The following SH3KBP1 variants were observed in gnomAD, a reference collection of about 807,000 sequenced individuals.
The protein encoded by SH3KBP1 is SH3 domain containing kinase binding protein 1.
SH3KBP1 carries 8 observed loss-of-function variants against 50.1 expected under a neutral mutation model. The observed-to-expected ratio is 0.16, with a 90% CI of 0.09 to 0.29. The LOEUF (loss-of-function observed/expected upper bound fraction) is 0.29. Ranked by LOEUF, SH3KBP1 falls within the 10% of genes least tolerant of loss-of-function variation. The probability of loss-of-function intolerance (pLI) is 1.00; values close to 1 mark genes in which losing one functional copy is unlikely to be tolerated. For missense variants in SH3KBP1, 377 were observed against 535.2 expected, an observed-to-expected ratio of 0.70 and a Z score of 2.92; for synonymous variants, 227 against 218.6, an observed-to-expected ratio of 1.04 and a Z score of -0.34.
chrX:19,611,644 G>A (rs1220244102), intron 8 of SH3KBP1, among the ~76,000 whole-genome samples: 3 of 111,626 alleles, frequency 2.7e-5, no homozygotes, highest in Non-Finnish European at 5.7e-5. Flanking sequence ...GTGAGCCACC[G>A]AGCCCGGCCC....
intron 2 of SH3KBP1, among the ~76,000 whole-genome samples, chrX:19,797,305 G>C (rs957969063): frequency 1.8e-5 from 2 of 111,415 alleles, no homozygotes; most frequent in Admixed American, 9.5e-5. Flanking sequence ...GAAGAGAAAG[G>C]GCCAGCCAAG....
chrX:19,856,160 C>T (rs1271170156), intron 1 of SH3KBP1, among the ~76,000 whole-genome samples: 3 of 110,951 alleles, frequency 2.7e-5, no homozygotes, highest in Non-Finnish European at 5.7e-5. Context: ...TGCTGTTCCC[C>T]ACAGAAGTAG....
At chrX:19,546,917 T>C (rs1419260354) in intron 14 of SH3KBP1, among the ~76,000 whole-genome samples, 6 of 111,329 alleles carry the variant, frequency 5.4e-5, no homozygotes, top group African/African-American at 2.0e-4. Flanking sequence ...ACGGGGATTA[T>C]GAGGCGGGAG....
intron 4 of SH3KBP1, 86 bp downstream of exon 4, chrX:19,706,795 C>T (rs2063660567): frequency 2.8e-6 from 2 of 703,157 alleles, no homozygotes; most frequent in South Asian, 2.5e-5. Context: ...GCCTGTGAGT[C>T]TGTAGCAAGG....
At chrX:19,556,617 G>A (rs904500898) in intron 13 of SH3KBP1, among the ~76,000 whole-genome samples, 2 of 112,038 alleles carry the variant, frequency 1.8e-5, no homozygotes, top group African/African-American at 6.5e-5. Context: ...TAATCCAGGT[G>A]TGAAGTTTGC....
intron 1 of SH3KBP1, among the ~76,000 whole-genome samples, chrX:19,856,702 C>G (rs764530443): frequency 3.5e-4 from 39 of 110,928 alleles, no homozygotes; most frequent in African/African-American, 1.2e-3. Flanking sequence ...ACCTCATGGC[C>G]CTCAAAAGGA....
At chrX:19,852,092 T>C (rs945221117) in intron 1 of SH3KBP1, among the ~76,000 whole-genome samples, 1 of 111,501 alleles carries the variant, frequency 9.0e-6, no homozygotes, top group Admixed American at 9.6e-5. Flanking sequence ...GTGTGACTTC[T>C]AGGCCATATT....
intron 1 of SH3KBP1, among the ~76,000 whole-genome samples, chrX:19,851,883 A>C (rs1393082360): frequency 9.0e-6 from 1 of 110,915 alleles, no homozygotes; most frequent in Non-Finnish European, 1.9e-5. Flanking sequence ...TATCCTCCTC[A>C]CTGTATCATT....
chrX:19,709,125 G>A (rs971564995), intron 3 of SH3KBP1, among the ~76,000 whole-genome samples: 9 of 112,045 alleles, frequency 8.0e-5, no homozygotes, highest in African/African-American at 1.6e-4. Context: ...TCCCCGCATC[G>A]GACTTCCATA....
intron 6 of SH3KBP1, chrX:19,683,424 A>G (rs1178937649): frequency 8.7e-6 from 3 of 345,871 alleles, no homozygotes; most frequent in African/African-American, 2.5e-5. Context: ...AACCACAGTC[A>G]GCACACCCAA....
chrX:19,846,422 G>T (rs1238874547), intron 1 of SH3KBP1, among the ~76,000 whole-genome samples: 1 of 112,118 alleles, frequency 8.9e-6, no homozygotes, highest in Non-Finnish European at 1.9e-5. Flanking sequence ...CTTTTTTTGT[G>T]CATGGAGAAG....
At chrX:19,682,042 C>T (rs1426699562) in intron 6 of SH3KBP1, among the ~76,000 whole-genome samples, 2 of 110,145 alleles carry the variant, frequency 1.8e-5, no homozygotes, top group African/African-American at 3.3e-5. Context: ...CTGTCCTGAG[C>T]GATAGGAGTG....
Position 19,857,814 on chromosome X carries a change from C to T in SH3KBP1, c.5-21532G>A, listed in dbSNP as rs190538728. Among the ~76,000 whole-genome samples the T allele has an allele frequency of 8.9e-5, 10 of 111,868 alleles. No homozygotes were observed. In the East Asian group the frequency reaches 2.8e-3, roughly 31 times the overall value. ...ACGGCCTTAATTAAAGATGAAATGA[C>T]ACCTTCCCTCCACACTAATTCCAAA... is the stretch of plus-strand genomic sequence containing the variant. On this transcript the variant is annotated intron_variant, in intron 1 of 17. Coordinates refer to ENST00000397821, the MANE Select transcript of SH3KBP1 (RefSeq NM_031892.3).
intron 13 of SH3KBP1, among the ~76,000 whole-genome samples, chrX:19,557,212 G>A (rs1421846095): frequency 1.8e-5 from 2 of 112,023 alleles, no homozygotes; most frequent in African/African-American, 3.2e-5. Flanking sequence ...ACTACAGAAC[G>A]TTGCTTGTTT....
At chrX:19,739,689 A>G (rs1037636150) in intron 3 of SH3KBP1, among the ~76,000 whole-genome samples, 5 of 110,807 alleles carry the variant, frequency 4.5e-5, no homozygotes, top group Non-Finnish European at 9.4e-5. Flanking sequence ...AAAAAGCAAA[A>G]GGGCTAAAAA....
chrX:19,570,997 A>G (rs867871666), intron 12 of SH3KBP1, among the ~76,000 whole-genome samples: 27 of 111,837 alleles, frequency 2.4e-4, no homozygotes, highest in African/African-American at 7.5e-4. Context: ...CACAACATGC[A>G]TATTTTTGTG....
chrX:19,540,215 C>T (rs1010418522), intron 16 of SH3KBP1, among the ~76,000 whole-genome samples: 1 of 110,747 alleles, frequency 9.0e-6, no homozygotes, highest in Non-Finnish European at 1.9e-5. Flanking sequence ...TTAGAGGTAG[C>T]CTGGCTGGCC....
At chrX:19,555,113 C>T (rs773779796) in intron 13 of SH3KBP1, among the ~76,000 whole-genome samples, 52 of 112,677 alleles carry the variant, frequency 4.6e-4, no homozygotes, top group Non-Finnish European at 6.2e-4. Flanking sequence ...GGGAATTTTT[C>T]CTCTTAAGAG....
chrX:19,569,400 G>A (rs1473816427), intron 12 of SH3KBP1, among the ~76,000 whole-genome samples: 2 of 112,073 alleles, frequency 1.8e-5, no homozygotes, highest in African/African-American at 3.2e-5. Context: ...TCCAGCACAC[G>A]TTTTCAAAAA....
Sources: allele counts gnomAD v4.1 joint callset (sites outside exome capture counted in the v4.1 genomes callset), GRCh38; gene constraint gnomAD v4.1.1; transcripts MANE v1.5; gene names NCBI Gene and HGNC (gene_info 2026-07-23, HGNC 2026-07-21).